CCSER2: variants seen among roughly 807,000 people sequenced by gnomAD.
The protein encoded by CCSER2 is coiled-coil serine rich protein 2.
In CCSER2, 46 loss-of-function variants were observed where a neutral mutation model predicts 92.3. The observed-to-expected ratio is 0.50, with a 90% CI of 0.39 to 0.64. CCSER2 has a LOEUF of 0.64. CCSER2 is among the 30% of genes least tolerant of loss of function. The pLI, the probability that CCSER2 is intolerant of heterozygous loss-of-function variation, is 0.00. For synonymous variants in CCSER2, 433 were observed against 431.4 expected, an observed-to-expected ratio of 1.00 and a Z score of -0.04; for missense variants, 1,244 against 1,238.9, an observed-to-expected ratio of 1.00 and a Z score of -0.06.
chr10:84,478,563 T>C (rs1193311386), intron 9 of CCSER2, among the ~76,000 whole-genome samples: 1 of 152,234 alleles, frequency 6.6e-6, no homozygotes, highest in African/African-American at 2.4e-5. Flanking sequence ...CAAGTATTTT[T>C]TTTGTGCTCT....
chr10:84,381,177 G>A (rs1840886384), intron 3 of CCSER2, among the ~76,000 whole-genome samples: 1 of 152,084 alleles, frequency 6.6e-6, no homozygotes, highest in Non-Finnish European at 1.5e-5. Context: ...CATTAAATGA[G>A]GTCATATATA....
chr10:84,448,092 C>T (rs1282677183), intron 6 of CCSER2, among the ~76,000 whole-genome samples: 2 of 152,084 alleles, frequency 1.3e-5, no homozygotes, highest in African/African-American at 4.8e-5. Flanking sequence ...CACCAATCCC[C>T]ATCTCCAGAT....
chr10:84,376,342 T>C (rs758944417), intron 3 of CCSER2, among the ~76,000 whole-genome samples: 1 of 152,156 alleles, frequency 6.6e-6, no homozygotes, highest in Non-Finnish European at 1.5e-5. Context: ...TATTAAGATA[T>C]AGAATACTCC....
chr10:84,332,042 A>G (rs1180402335), intron 1 of CCSER2, among the ~76,000 whole-genome samples: 1 of 152,214 alleles, frequency 6.6e-6, no homozygotes, highest in Non-Finnish European at 1.5e-5. Flanking sequence ...GAGGGTATGA[A>G]GGTTTTGTTA....
intron 1 of CCSER2, among the ~76,000 whole-genome samples, chr10:84,348,358 A>G (rs929908251): frequency 6.6e-5 from 10 of 152,212 alleles, no homozygotes; most frequent in Admixed American, 2.0e-4. Context: ...AGGCTGAGGC[A>G]GGAGAATCAG....
At chr10:84,362,136 T>TGTTA (rs1845535474) in intron 1 of CCSER2, among the ~76,000 whole-genome samples, 1 of 152,218 alleles carries the variant, frequency 6.6e-6, no homozygotes, top group Admixed American at 6.5e-5. Context: ...ATGTTACTCC[T>TGTTA]GTTACTGTTC....
chr10:84,387,359 G>C (rs1223910537), intron 3 of CCSER2, among the ~76,000 whole-genome samples: 1 of 151,996 alleles, frequency 6.6e-6, no homozygotes, highest in African/African-American at 2.4e-5. Context: ...TTTCTGTGCT[G>C]TGATACTGAC....
At chr10:84,361,687 G>A (rs1845510905) in intron 1 of CCSER2, among the ~76,000 whole-genome samples, 1 of 151,708 alleles carries the variant, frequency 6.6e-6, no homozygotes, top group Admixed American at 6.6e-5. Flanking sequence ...TGTTGTCCAG[G>A]CTAGAGTGCA....
chr10:84,471,599 A>G (rs1345331295), intron 8 of CCSER2, among the ~76,000 whole-genome samples: 1 of 152,116 alleles, frequency 6.6e-6, no homozygotes, highest in Non-Finnish European at 1.5e-5. Flanking sequence ...CAGTTAATAC[A>G]TTTCAGATAT....
At chr10:84,484,066 C>T (rs561491379) in intron 9 of CCSER2, among the ~76,000 whole-genome samples, 21 of 148,610 alleles carry the variant, frequency 1.4e-4, no homozygotes, top group South Asian at 6.4e-4. Context: ...CTCCACCTCC[C>T]GGGTTCACAC....
chr10:84,504,565 G>A (rs950720442), intron 9 of CCSER2, among the ~76,000 whole-genome samples: 6 of 152,054 alleles, frequency 3.9e-5, no homozygotes, highest in Admixed American at 3.9e-4. Flanking sequence ...CTGGAGAATT[G>A]TTCTCTTGAA....
At chr10:84,457,689 T>C (rs1845852370) in intron 6 of CCSER2, among the ~76,000 whole-genome samples, 1 of 126,348 alleles carries the variant, frequency 7.9e-6, no homozygotes, top group South Asian at 2.2e-4. Flanking sequence ...ATAAATTATA[T>C]ATATTTATAT....
At chr10:84,392,703 T>C (rs150765182) in intron 3 of CCSER2, among the ~76,000 whole-genome samples, 120 of 152,214 alleles carry the variant, frequency 7.9e-4, no homozygotes, top group African/African-American at 2.8e-3. Context: ...AAAACAAACA[T>C]GAACAATGAA....
chr10:84,503,277 A>G (rs1202532265), intron 9 of CCSER2, among the ~76,000 whole-genome samples: 1 of 152,114 alleles, frequency 6.6e-6, no homozygotes, highest in Admixed American at 6.5e-5. Flanking sequence ...TCTGGCCTTT[A>G]TTATTTTTCC....
rs1306382020 is a variant in CCSER2, at chr10:84,438,348, G to A, written c.1869-164G>A. On this transcript the variant is annotated intron_variant, in intron 5 of 9. Transcript: ENST00000372088. ...GTTTTAATAAACTACAGCTGATTGC[G>A]CCTTTTGTGGAAACACATCAGTGAC... 2.6e-5 allele frequency among the ~76,000 whole-genome samples: 4 copies of A among 152,208 alleles called. No homozygotes were observed. In the East Asian group the frequency reaches 5.8e-4, roughly 22 times the overall value.
chr10:84,506,234 T>C (rs1246589544), intron 9 of CCSER2, among the ~76,000 whole-genome samples: 3 of 152,152 alleles, frequency 2.0e-5, no homozygotes, highest in African/African-American at 7.2e-5. Flanking sequence ...CAATTTATAT[T>C]ATCAATCTGC....
At chr10:84,391,906 C>A in intron 3 of CCSER2, 1 of 1,352,260 alleles carries the variant, frequency 7.4e-7, no homozygotes, top group Non-Finnish European at 1.1e-6. Context: ...ATGGATTAAC[C>A]CAAAAGATGA....
In CCSER2 at chr10:84,492,148, G is replaced by T. The variant is rs774380336; in HGVS notation, c.2325+14484G>T. 4.6e-5 allele frequency among the ~76,000 whole-genome samples: 7 copies of T among 151,922 alleles called. No individual in the cohort carries two copies. The East Asian group carries it at 1.4e-3, about 30-fold the overall frequency. ...CAAAATATTATCCAGGCATGGTGGC[G>T]GGCACCTGTAGTCCCAGCTATTCAG... On this transcript the variant is annotated intron_variant, in intron 9 of 9. Transcript: ENST00000372088.
At chr10:84,478,353 G>C (rs1847274838) in intron 9 of CCSER2, among the ~76,000 whole-genome samples, 3 of 152,220 alleles carry the variant, frequency 2.0e-5, no homozygotes, top group Admixed American at 2.0e-4. Flanking sequence ...CTGTTGTTTG[G>C]GGCCAGGTAG....
Sources: allele counts gnomAD v4.1 joint callset (sites outside exome capture counted in the v4.1 genomes callset), GRCh38; gene constraint gnomAD v4.1.1; transcripts MANE v1.5; gene names NCBI Gene and HGNC (gene_info 2026-07-23, HGNC 2026-07-21).